Variants in ATXN3 observed in about 807,000 individuals in gnomAD.
The protein encoded by ATXN3 is ataxin 3.
A neutral mutation model predicts 58.2 loss-of-function variants in ATXN3; 28 were observed. The observed-to-expected ratio is 0.48, with a 90% CI of 0.36 to 0.66. ATXN3 has a LOEUF of 0.66. ATXN3 is among the 30% of genes least tolerant of loss of function. ATXN3 has a pLI of 0.00. For synonymous variants in ATXN3, 113 were observed against 138.5 expected (o/e 0.82, Z 1.29); for missense variants, 321 against 422.1 (o/e 0.76, Z 2.10).
chr14:92,069,280 AG>A lies in ATXN3; in HGVS notation c.991+1654del, dbSNP rs558850119. On this transcript the variant is annotated intron_variant, in intron 10 of 10. Transcript: ENST00000644486. ...GAGATGGGGTTTCACCATGTTGGCC[AG>A]GCTGGTCTTGAACTCCTGACCTCAG... 2.5e-3 allele frequency among the ~76,000 whole-genome samples: 378 copies of A among 151,244 alleles called. 3 individuals carry two copies. Among genetic ancestry groups the A allele is most frequent in the Non-Finnish European group, 3.7e-3 (252 of 67,930 alleles).
chr14:92,097,386 C>T (rs988333126), intron 1 of ATXN3, among the ~76,000 whole-genome samples: 2 of 151,688 alleles, frequency 1.3e-5, no homozygotes, highest in African/African-American at 2.4e-5. Flanking sequence ...CACCACCATG[C>T]CTGGCTAATT....
intron 9 of ATXN3, among the ~76,000 whole-genome samples, chr14:92,076,014 A>AT (rs1200299357): frequency 1.3e-5 from 2 of 152,212 alleles, no homozygotes; most frequent in South Asian, 2.1e-4. Context: ...GGAAGGAGGT[A>AT]TATCGATATT....
upstream of ATXN3, among the ~76,000 whole-genome samples, chr14:92,051,729 T>TC (rs965504744): frequency 8.5e-6 from 1 of 117,232 alleles, no homozygotes; most frequent in Non-Finnish European, 1.8e-5. Flanking sequence ...TTTTTTTTTT[T>TC]TTTTTTTTTT....
At chr14:92,064,642 G>T (rs1349753404) in intron 10 of ATXN3, among the ~76,000 whole-genome samples, 5 of 152,032 alleles carry the variant, frequency 3.3e-5, no homozygotes, top group Non-Finnish European at 7.4e-5. Flanking sequence ...CTGCCCCTTT[G>T]TGGTCGATCC....
intron 4 of ATXN3, 48 bp from the exon 5 acceptor site, chr14:92,093,366 T>G (rs1013823022): frequency 2.1e-6 from 2 of 933,370 alleles, no homozygotes; most frequent in African/African-American, 3.4e-5. Context: ...GAATTCATAT[T>G]TATGTTGTCT....
chr14:92,052,724 A>G (rs780149607), upstream of ATXN3, among the ~76,000 whole-genome samples: 2 of 152,110 alleles, frequency 1.3e-5, no homozygotes, highest in Non-Finnish European at 2.9e-5. Flanking sequence ...ACTGGAGCCC[A>G]TACTTTCCAG....
intron 7 of ATXN3, 80 bp from the exon 8 acceptor site, chr14:92,082,546 G>A (rs55929165): frequency 7.7e-7 from 1 of 1,304,090 alleles, no homozygotes; most frequent in East Asian, 2.4e-5. Context: ...TAATGTAAAG[G>A]CTTTAAGTAA....
intron 5 of ATXN3, among the ~76,000 whole-genome samples, chr14:92,091,634 A>T (rs1012064472): frequency 1.6e-4 from 24 of 151,666 alleles, no homozygotes; most frequent in African/African-American, 5.1e-4. Flanking sequence ...TTTACATTTT[A>T]AAAAAAACAG....
chr14:92,070,626 A>C, intron 10 of ATXN3: 1 of 726,748 alleles, frequency 1.4e-6, no homozygotes, highest in Non-Finnish European at 2.1e-6. Context: ...TGGAGACTGT[A>C]CAAATTACTG....
Position 92,059,238 on chromosome 14 carries a change from T to C in ATXN3, c.*5082A>G, listed in dbSNP as rs554732515. 2 of 152,290 alleles carry C rather than the reference T, an allele frequency of 1.3e-5. No homozygotes were observed. Among genetic ancestry groups the C allele is most frequent in the South Asian group, 4.1e-4 (2 of 4,828 alleles). The allele number at this position is 152,290 out of a possible 1,614,324, so 9.4% of individuals were successfully genotyped here. A position where few individuals can be genotyped will look rare whatever the true frequency, so the allele number is the denominator to read the frequency against. On this transcript the variant is annotated 3_prime_UTR_variant, in exon 11 of 11. Transcript: ENST00000644486. ...AAATTAAAAAACAAAATCAAAATTCTAGAATTTACCAACGATGTCAATAAT... is the reference window on the plus strand; with the variant it reads ...AAATTAAAAAACAAAATCAAAATTCCAGAATTTACCAACGATGTCAATAAT...
chr14:92,076,668 G>A (rs957543576), intron 9 of ATXN3, among the ~76,000 whole-genome samples: 5 of 151,640 alleles, frequency 3.3e-5, no homozygotes, highest in South Asian at 2.1e-4. Context: ...GGCTGGGCGC[G>A]GTGGTGCACG....
intron 6 of ATXN3, among the ~76,000 whole-genome samples, chr14:92,085,197 T>A (rs966403563): frequency 1.1e-4 from 16 of 151,666 alleles, no homozygotes; most frequent in African/African-American, 3.2e-4. Context: ...TTTTTTTTTT[T>A]AATTTTTTTT....
intron 10 of ATXN3, among the ~76,000 whole-genome samples, chr14:92,068,483 T>G (rs530905428): frequency 5.3e-5 from 8 of 152,132 alleles, no homozygotes; most frequent in African/African-American, 1.9e-4. Context: ...AAGTCCAGGA[T>G]AAATGAGGCA....
chr14:92,075,156 G>GGT (rs2060121522), intron 9 of ATXN3, among the ~76,000 whole-genome samples: 1 of 111,356 alleles, frequency 9.0e-6, no homozygotes. Flanking sequence ...GTAATAGGGA[G>GGT]TTTTTTTTTT....
chr14:92,056,878 AT>A (rs775029070), downstream of ATXN3, among the ~76,000 whole-genome samples: 4 of 152,196 alleles, frequency 2.6e-5, no homozygotes, highest in Non-Finnish European at 5.9e-5. Flanking sequence ...TGGTTAAGGC[AT>A]TCTAAGTCAC....
Position 92,063,572 on chromosome 14 carries a change from T to A in ATXN3, c.*748A>T, listed in dbSNP as rs2057929618. 1 of 152,240 alleles carries A rather than the reference T, an allele frequency of 6.6e-6. No individual in the cohort carries two copies. Among genetic ancestry groups the A allele is most frequent in the African/African-American group, 2.4e-5 (1 of 41,468 alleles). The allele number at this position is 152,240 out of a possible 1,614,324, so 9.4% of individuals were successfully genotyped here. A position where few individuals can be genotyped will look rare whatever the true frequency, so the allele number is the denominator to read the frequency against. ...TTCATAAAGCATCTGGGAAAGCACA[T>A]GCTCACACATTTTAAAAAATGCTCA... On this transcript the variant is annotated 3_prime_UTR_variant, in exon 11 of 11. Transcript: ENST00000644486.
intron 10 of ATXN3, among the ~76,000 whole-genome samples, chr14:92,064,772 G>A (rs978637948): frequency 4.6e-5 from 7 of 152,016 alleles, no homozygotes; most frequent in African/African-American, 1.2e-4. Flanking sequence ...CTTCTTTCAC[G>A]TAGCATAATG....
At chr14:92,084,959 T>G (rs983635799) in intron 6 of ATXN3, among the ~76,000 whole-genome samples, 2 of 152,196 alleles carry the variant, frequency 1.3e-5, no homozygotes, top group East Asian at 1.9e-4. Flanking sequence ...TTATAAGAAC[T>G]ATTAATGGAA....
At chr14:92,098,714 T>TTC (rs1218957088) in intron 1 of ATXN3, among the ~76,000 whole-genome samples, 3 of 152,210 alleles carry the variant, frequency 2.0e-5, no homozygotes, top group East Asian at 3.8e-4. Context: ...AGTGCTGAAG[T>TTC]TCTCTTCATG....
Sources: allele counts gnomAD v4.1 joint callset (sites outside exome capture counted in the v4.1 genomes callset), GRCh38; gene constraint gnomAD v4.1.1; transcripts MANE v1.5; gene names NCBI Gene and HGNC (gene_info 2026-07-23, HGNC 2026-07-21).